TM9SF4: variants seen among roughly 807,000 people sequenced by gnomAD.
TM9SF4 encodes dinucleotide oxidase disulfide thiol exchanger 3 superfamily member 4.
Under a neutral mutation model 90.4 loss-of-function variants are expected in TM9SF4, and 26 were observed. That is an observed-to-expected ratio of 0.29 (90% CI 0.21 to 0.40). The LOEUF (loss-of-function observed/expected upper bound fraction) is 0.40. TM9SF4 is among the 10% of genes least tolerant of loss of function. The pLI is 1.00. For missense variants in TM9SF4, 549 were observed against 834.8 expected (o/e 0.66, Z 4.22); for synonymous variants, 293 against 315.4 (o/e 0.93, Z 0.75).
chr20:32,129,449 C>T (rs776070065), intron 1 of TM9SF4, among the ~76,000 whole-genome samples: 5 of 152,122 alleles, frequency 3.3e-5, no homozygotes, highest in African/African-American at 9.7e-5. Context: ...ACTGTGATTG[C>T]ACCACTGCAC....
chr20:32,158,624 A>G, intron 15 of TM9SF4, 110 bp downstream of exon 15: 1 of 1,050,328 alleles, frequency 9.5e-7, no homozygotes, highest in Non-Finnish European at 1.4e-6. Flanking sequence ...GGGCCACTTC[A>G]CCTCTCGGAG....
chr20:32,150,528 G>A, intron 10 of TM9SF4, 94 bp from the exon 11 acceptor site: 2 of 1,483,132 alleles, frequency 1.3e-6, no homozygotes, highest in South Asian at 1.1e-5. Flanking sequence ...CTGTCAGCCT[G>A]TCCAAGGTGG....
In TM9SF4 at chr20:32,157,913, C is replaced by A. The variant is rs766491173; in HGVS notation, c.1449C>A (p.Thr483=). The change falls in exon 14 of 18, where the codon ACC becomes ACA. Residue 483 remains threonine (T), a synonymous_variant. Coordinates refer to ENST00000398022, the MANE Select transcript of TM9SF4 (RefSeq NM_014742.4). ...RKQPYDNPVR[T]NQIPRQIPEQ... is the part of the protein sequence containing the mutation. The stretch of plus-strand genomic sequence containing the variant: ...AGCCATATGACAACCCTGTGCGCAC[C>A]AACCAGATTCCCCGGCAGATCCCCG... The A allele has an allele frequency of 2.5e-6, 4 of 1,614,030 alleles. No individual in the cohort carries two copies. The African/African-American group carries it at 5.3e-5, about 22-fold the overall frequency.
At chr20:32,130,958 T>A (rs1600802062) in intron 1 of TM9SF4, among the ~76,000 whole-genome samples, 1 of 152,206 alleles carries the variant, frequency 6.6e-6, no homozygotes, top group South Asian at 2.1e-4. Flanking sequence ...GAACCCTCTG[T>A]AGTGTCTGTG....
rs1600825109 is a variant in TM9SF4 at position 32,146,726 on chromosome 20, G to A, written c.884-59G>A. On this transcript the variant is annotated intron_variant, in intron 8 of 17. Coordinates refer to ENST00000398022, the MANE Select transcript of TM9SF4 (RefSeq NM_014742.4). ...TAAAACATCATGTCTAGGAGGGCAT[G>A]GAGCATGGGCTTGCTGGCAGCGCCA... 6 of 1,544,612 alleles carry A rather than the reference G, an allele frequency of 3.9e-6. No individual in the cohort carries two copies. In the East Asian group the frequency reaches 1.4e-4, roughly 35 times the overall value.
chr20:32,151,618 T>C (rs190549895), intron 12 of TM9SF4, among the ~76,000 whole-genome samples: 157 of 152,322 alleles, frequency 1.0e-3, no homozygotes, highest in African/African-American at 3.6e-3. Context: ...TAAAGAAAAG[T>C]TGTGACCGTG....
intron 1 of TM9SF4, chr20:32,116,770 TTAAC>T: frequency 6.6e-6 from 1 of 152,206 alleles, no homozygotes; most frequent in East Asian, 1.9e-4. Flanking sequence ...TTGGTAAGCT[TTAAC>T]TGACTGGATA....
At chr20:32,149,009 T>A (rs1197065498) in intron 9 of TM9SF4, among the ~76,000 whole-genome samples, 2 of 152,334 alleles carry the variant, frequency 1.3e-5, no homozygotes, top group African/African-American at 4.8e-5. Context: ...CAAGCTTTTA[T>A]TGACCTGAAG....
rs1316030827 is a variant in TM9SF4 at position 32,166,940 on chromosome 20, C to G, written c.*1496C>G. The G allele has an allele frequency of 1.3e-5, 2 of 152,176 alleles. No homozygotes were observed. Among genetic ancestry groups the G allele is most frequent in the Non-Finnish European group, 1.5e-5 (1 of 68,054 alleles). 9.4% of individuals were successfully genotyped at this position (152,176 alleles called of 1,614,324 possible). On this transcript the variant is annotated 3_prime_UTR_variant, in exon 18 of 18. Transcript: ENST00000398022. ...CAGTGGCTCTACCAGCCTCACCCATCAAACCAGTGAATTTCTCAATCTTGC... is the reference window on the plus strand; with the variant it reads ...CAGTGGCTCTACCAGCCTCACCCATGAAACCAGTGAATTTCTCAATCTTGC...
intron 2 of TM9SF4, among the ~76,000 whole-genome samples, chr20:32,133,608 A>G (rs1424558759): frequency 6.6e-6 from 1 of 152,198 alleles, no homozygotes; most frequent in Non-Finnish European, 1.5e-5. Context: ...AGTCATTAAA[A>G]TAACTTTTAC....
At chr20:32,165,019 T>G (rs1269790047) in intron 17 of TM9SF4, among the ~76,000 whole-genome samples, 2 of 152,072 alleles carry the variant, frequency 1.3e-5, no homozygotes, top group Non-Finnish European at 2.9e-5. Flanking sequence ...CTGGGGTCTG[T>G]GGGGGACCAG....
At chr20:32,126,870 G>A (rs2046430401) in intron 1 of TM9SF4, among the ~76,000 whole-genome samples, 1 of 152,076 alleles carries the variant, frequency 6.6e-6, no homozygotes, top group Non-Finnish European at 1.5e-5. Context: ...CAGGTGGCTG[G>A]GATTACAGGC....
Position 32,165,310 on chromosome 20 carries a change from T to C in TM9SF4, c.1795T>C (p.Phe599Leu). 6.2e-7 allele frequency: 1 copy of C among 1,614,088 alleles called. No homozygotes were observed. Among genetic ancestry groups the C allele is most frequent in the South Asian group, 1.1e-5 (1 of 91,080 alleles). ...GTGGCCGCAGCTGGACATCGTGGAGTTCATCCCCTCTCTCCTCTACTTTGG... is the reference window on the plus strand; with the variant it reads ...GTGGCCGCAGCTGGACATCGTGGAGCTCATCCCCTCTCTCCTCTACTTTGG... ...YFVNKLDIVEFIPSLLYFGYT... is the reference protein window; with the variant it reads ...YFVNKLDIVELIPSLLYFGYT... The change falls in exon 18 of 18, where the codon TTC becomes CTC. Residue 599 changes from phenylalanine (F) to leucine (L), a missense_variant. This residue lies in a region of TM9SF4 where 54 missense variants were observed against 123.1 expected (regional missense o/e 0.44). Coordinates refer to ENST00000398022, the MANE Select transcript of TM9SF4 (RefSeq NM_014742.4).
Position 32,158,022 on chromosome 20 carries a change from C to G in TM9SF4, c.1505+53C>G, listed in dbSNP as rs1002293584. ...GGGGAACGTGGAAGAGGGTACGCCC[C>G]CCTCCGCCACCAGAAGGGTGCGGCA... On this transcript the variant is annotated intron_variant, in intron 14 of 17. Transcript: ENST00000398022. 1.2e-5 allele frequency: 19 copies of G among 1,598,644 alleles called. No homozygotes were observed. In the African/African-American group the frequency reaches 1.7e-4, roughly 15 times the overall value.
chr20:32,146,807 T>C lies in TM9SF4; in HGVS notation c.906T>C (p.Ile302=). Residue 302 remains isoleucine (I), a synonymous_variant, in exon 9 of 18, where the codon ATT becomes ATC. Coordinates refer to ENST00000398022, the MANE Select transcript of TM9SF4 (RefSeq NM_014742.4). The stretch of plus-strand genomic sequence containing the variant: ...CAGGTATCCTGAGCATGATTATCAT[T>C]CGGACCCTCCGGAAGGACATTGCCA... ...FLSGILSMII[I]RTLRKDIANY... 1 of 1,614,084 alleles carries C rather than the reference T, an allele frequency of 6.2e-7. No individual in the cohort carries two copies. The highest frequency in any genetic ancestry group is 2.2e-5 in the East Asian group (1 of 44,880).
chr20:32,112,711 A>G (rs1171153925), intron 1 of TM9SF4, among the ~76,000 whole-genome samples: 2 of 146,700 alleles, frequency 1.4e-5, no homozygotes, highest in Non-Finnish European at 3.0e-5. Flanking sequence ...AAAAAAAAAC[A>G]AAAAACAAAA....
intron 15 of TM9SF4, chr20:32,159,430 C>G (rs2046980432): frequency 6.5e-6 from 1 of 154,326 alleles, no homozygotes; most frequent in Admixed American, 6.5e-5. Context: ...GAGTAGTGGC[C>G]CAGCCCCTCC....
chr20:32,118,199 G>T (rs2046254371), intron 1 of TM9SF4, among the ~76,000 whole-genome samples: 1 of 151,952 alleles, frequency 6.6e-6, no homozygotes, highest in Non-Finnish European at 1.5e-5. Context: ...TATTTTTTCC[G>T]AGATCAGTAT....
intron 1 of TM9SF4, among the ~76,000 whole-genome samples, chr20:32,126,840 A>G (rs1374862071): frequency 2.6e-5 from 4 of 151,824 alleles, no homozygotes; most frequent in Admixed American, 6.6e-5. Flanking sequence ...GGTTCAAGCA[A>G]TTCTCCTGCC....
Sources: allele counts gnomAD v4.1 joint callset (sites outside exome capture counted in the v4.1 genomes callset), GRCh38; gene constraint gnomAD v4.1.1; regional missense constraint gnomAD v4.1.1; transcripts MANE v1.5; gene names NCBI Gene and HGNC (gene_info 2026-07-23, HGNC 2026-07-21).